RELN: variants seen among roughly 807,000 people sequenced by gnomAD.
The protein encoded by RELN is reelin.
In RELN, 108 loss-of-function variants were observed where a neutral mutation model predicts 427.6. That is an observed-to-expected ratio of 0.25 (90% CI 0.22 to 0.30). RELN has a LOEUF of 0.30. Ranked by LOEUF, RELN falls within the 10% of genes least tolerant of loss-of-function variation. RELN has a pLI of 1.00. For missense variants in RELN, 3,715 were observed against 4,302.8 expected, an observed-to-expected ratio of 0.86 and a Z score of 3.82; for synonymous variants, 1,524 against 1,513.4, an observed-to-expected ratio of 1.01 and a Z score of -0.16.
intron 11 of RELN, among the ~76,000 whole-genome samples, chr7:103,675,088 A>G (rs1428749932): frequency 6.6e-6 from 1 of 152,194 alleles, no homozygotes; most frequent in Non-Finnish European, 1.5e-5. Context: ...GAAAAGCTGA[A>G]GTCAAATTGT....
In RELN at chr7:103,824,455, A is replaced by G. The variant is rs191407478; in HGVS notation, c.473+9082T>C. ...TTATTATCTCCTGCTGTCTTTTAAG[A>G]AGCTCCTGACAATAGCTCCAGGCCC... is the stretch of plus-strand genomic sequence containing the variant. On this transcript the variant is annotated intron_variant, in intron 3 of 64. Coordinates refer to ENST00000428762, the MANE Select transcript of RELN (RefSeq NM_005045.4). This position sits in a 1 kb window ranked among gnomAD's most constrained non-coding sequence, Gnocchi z 4.4. 1.3e-5 allele frequency among the ~76,000 whole-genome samples: 2 copies of G among 152,100 alleles called. No individual in the cohort carries two copies. Among genetic ancestry groups the G allele is most frequent in the Admixed American group, 1.3e-4 (2 of 15,252 alleles).
intron 16 of RELN, among the ~76,000 whole-genome samples, chr7:103,646,292 T>C (rs1026254592): frequency 6.6e-6 from 1 of 151,372 alleles, no homozygotes; most frequent in African/African-American, 2.4e-5. Flanking sequence ...CTAAATGAAA[T>C]AGAGATCAAA....
intron 25 of RELN, among the ~76,000 whole-genome samples, chr7:103,594,874 C>A (rs1471717398): frequency 6.6e-6 from 1 of 152,060 alleles, no homozygotes; most frequent in Non-Finnish European, 1.5e-5. Flanking sequence ...AATTCTTTCT[C>A]ATTGTGGGAA....
chr7:103,666,122 G>A (rs765769388), intron 11 of RELN, among the ~76,000 whole-genome samples: 1 of 151,804 alleles, frequency 6.6e-6, no homozygotes, highest in Non-Finnish European at 1.5e-5. Flanking sequence ...GGAGTGCAGT[G>A]GTGCAATTCA....
At chr7:103,596,819 C>T (rs1189248706) in intron 24 of RELN, among the ~76,000 whole-genome samples, 158 bp from the exon 25 acceptor site, 2 of 152,178 alleles carry the variant, frequency 1.3e-5, no homozygotes, top group Non-Finnish European at 2.9e-5. Context: ...TTAGTTGTTT[C>T]TGATCCGACT....
At chr7:103,758,100 T>C (rs1349356360) in intron 4 of RELN, among the ~76,000 whole-genome samples, 2 of 152,220 alleles carry the variant, frequency 1.3e-5, no homozygotes, top group Non-Finnish European at 2.9e-5. Flanking sequence ...TGCATGTGAA[T>C]GTATTTGTGT....
chr7:103,900,268 T>A (rs1283319534), intron 2 of RELN, among the ~76,000 whole-genome samples: 1 of 151,946 alleles, frequency 6.6e-6, no homozygotes, highest in Admixed American at 6.6e-5. Flanking sequence ...CAGGGAGAAA[T>A]ACAAACCTCT....
chr7:103,601,290 CT>C (rs1316223043), intron 24 of RELN, among the ~76,000 whole-genome samples: 4 of 152,170 alleles, frequency 2.6e-5, no homozygotes, highest in Admixed American at 6.5e-5. Context: ...CGACTATTAT[CT>C]TTAACAATAA....
intron 2 of RELN, among the ~76,000 whole-genome samples, chr7:103,884,496 A>C (rs1026355051): frequency 6.6e-6 from 1 of 152,206 alleles, no homozygotes; most frequent in Non-Finnish European, 1.5e-5. Context: ...TGAACAGGCA[A>C]CCTACAGAAT....
intron 6 of RELN, among the ~76,000 whole-genome samples, chr7:103,731,392 C>G (rs496535): frequency 0.61 from 92,797 of 151,928 alleles, 29,778 homozygotes; most frequent in African/African-American, 0.82. Context: ...GTGGCAACCA[C>G]CTCACAAAGG....
intron 1 of RELN, among the ~76,000 whole-genome samples, chr7:103,938,192 A>C (rs1256734098): frequency 6.6e-6 from 1 of 152,046 alleles, no homozygotes; most frequent in African/African-American, 2.4e-5. Flanking sequence ...GTGGTGGCGC[A>C]TGCCTGTTAT....
intron 2 of RELN, among the ~76,000 whole-genome samples, chr7:103,834,408 C>T (rs949889391): frequency 5.3e-5 from 8 of 152,180 alleles, no homozygotes; most frequent in Admixed American, 3.9e-4. Context: ...TGCCTCATAA[C>T]ATCACAGTTG....
At chr7:103,617,945 A>T (rs1014129189) in intron 20 of RELN, among the ~76,000 whole-genome samples, 1 of 152,040 alleles carries the variant, frequency 6.6e-6, no homozygotes, top group Non-Finnish European at 1.5e-5. Flanking sequence ...TCACCATGTC[A>T]TCTCTGTACC....
intron 28 of RELN, among the ~76,000 whole-genome samples, chr7:103,577,438 G>A (rs1831029297): frequency 6.6e-6 from 1 of 151,920 alleles, no homozygotes; most frequent in South Asian, 2.1e-4. Context: ...CCGTTTCAGT[G>A]TAAGAGGAAG....
chr7:103,595,922 TA>T (rs1230390492), intron 25 of RELN, among the ~76,000 whole-genome samples: 1 of 152,196 alleles, frequency 6.6e-6, no homozygotes, highest in African/African-American at 2.4e-5. Flanking sequence ...AGTCATTGCC[TA>T]AGATATTTTA....
At chr7:103,806,443 G>C (rs555111609) in intron 3 of RELN, among the ~76,000 whole-genome samples, 13 of 152,138 alleles carry the variant, frequency 8.5e-5, no homozygotes, top group African/African-American at 3.1e-4. Context: ...TCCTGCCTCA[G>C]CCTCCCAAGT....
intron 4 of RELN, among the ~76,000 whole-genome samples, chr7:103,770,673 AAATAAT>A (rs747136838): frequency 3.5e-4 from 53 of 151,960 alleles, no homozygotes; most frequent in Non-Finnish European, 7.1e-4. Flanking sequence ...TTTAATGGAC[AAATAAT>A]AATGGTACAT....
At chr7:103,768,189 T>C (rs1379181909) in intron 4 of RELN, among the ~76,000 whole-genome samples, 2 of 152,126 alleles carry the variant, frequency 1.3e-5, no homozygotes, top group East Asian at 3.9e-4. Flanking sequence ...GTTTTACAGC[T>C]AGTGAATGAA....
At chr7:103,561,074 TAAC>T (rs1420244687) in intron 36 of RELN, among the ~76,000 whole-genome samples, 1 of 152,170 alleles carries the variant, frequency 6.6e-6, no homozygotes, top group Non-Finnish European at 1.5e-5. Flanking sequence ...AAAAAGATAT[TAAC>T]AATGTTTGAG....
Sources: allele counts gnomAD v4.1 joint callset (sites outside exome capture counted in the v4.1 genomes callset), GRCh38; gene constraint gnomAD v4.1.1; non-coding constraint Gnocchi (gnomAD v3.1); transcripts MANE v1.5; gene names NCBI Gene and HGNC (gene_info 2026-07-23, HGNC 2026-07-21).